The following DGCR8 variants were observed in gnomAD, a reference collection of about 807,000 sequenced individuals.
DGCR8 encodes microprocessor complex subunit DGCR8.
A neutral mutation model predicts 78.5 loss-of-function variants in DGCR8; 14 were observed. That is an observed-to-expected ratio of 0.18 (90% CI 0.12 to 0.28). The LOEUF (loss-of-function observed/expected upper bound fraction) is 0.28, where lower values mean the gene tolerates loss of function less well. DGCR8 is among the 10% of genes least tolerant of loss of function. DGCR8 has a pLI of 1.00. For missense variants in DGCR8, 702 were observed against 1,022.5 expected (o/e 0.69, Z 4.28); for synonymous variants, 399 against 402.4 (o/e 0.99, Z 0.10).
intron 6 of DGCR8, 40 bp from the exon 7 acceptor site, chr22:20,091,829 C>A: frequency 6.3e-7 from 1 of 1,583,438 alleles, no homozygotes; most frequent in South Asian, 1.1e-5. Context: ...TAGCTTGTGG[C>A]ACTGCTTCAC....
At position 20,086,218 on chromosome 22, in the gene DGCR8, C is replaced by T. The variant is rs773750301; in HGVS notation, c.255C>T (p.Leu85=). ...AAGGATCCTTCTCTAAGGGCCGCCT[C>T]CTCATAGACCCGAACTGTAGTGGCC... is the stretch of plus-strand genomic sequence containing the variant. ...LSKGSFSKGR[L]LIDPNCSGHS... The change falls in exon 2 of 14, where the codon CTC becomes CTT. Residue 85 remains leucine (L), a synonymous_variant. Coordinates refer to ENST00000351989, the MANE Select transcript of DGCR8 (RefSeq NM_022720.7). This position sits in a 1 kb window ranked among gnomAD's most constrained non-coding sequence, Gnocchi z 6.4. 5.0e-6 allele frequency: 8 copies of T among 1,614,060 alleles called. No individual in the cohort carries two copies. The highest frequency in any genetic ancestry group is 6.8e-6 in the Non-Finnish European group (8 of 1,180,046).
chr22:20,084,923 C>T (rs1436842185), intron 1 of DGCR8: 19 of 961,514 alleles, frequency 2.0e-5, no homozygotes, highest in Non-Finnish European at 2.4e-5. Context: ...AGTCGCTTCA[C>T]CTTCAGTGGC....
Position 20,080,335 on chromosome 22 carries a change from C to T in DGCR8, c.-326C>T, listed in dbSNP as rs556628893. ...CGGCGGTCGGTCGGTGAGGCTTTCC[C>T]GGCTGTGGTTTGGCTGCGGGCGGCT... On this transcript the variant is annotated 5_prime_UTR_variant, in exon 1 of 14. Coordinates refer to ENST00000351989, the MANE Select transcript of DGCR8 (RefSeq NM_022720.7). 3.1e-6 allele frequency: 3 copies of T among 980,818 alleles called. No individual in the cohort carries two copies. Among genetic ancestry groups the T allele is most frequent in the South Asian group, 9.4e-5 (2 of 21,252 alleles). The allele number at this position is 980,818 out of a possible 1,614,324, so 60.8% of individuals were successfully genotyped here. A position where few individuals can be genotyped will look rare whatever the true frequency, so the allele number is the denominator to read the frequency against.
Position 20,085,131 on chromosome 22 carries a change from G to A in DGCR8, c.-277-556G>A, listed in dbSNP as rs1026552519. ...CTCAGCACGCTGCATCACTGTCCCC[G>A]TCCACGTGCTACCCTGTGGGCCCAG... On this transcript the variant is annotated intron_variant, in intron 1 of 13. Coordinates refer to ENST00000351989, the MANE Select transcript of DGCR8 (RefSeq NM_022720.7). This position sits in a 1 kb window ranked among gnomAD's most constrained non-coding sequence, Gnocchi z 6.2. The A allele has an allele frequency of 7.6e-6, 6 of 786,108 alleles. No homozygotes were observed. The highest frequency in any genetic ancestry group is 5.6e-5 in the African/African-American group (3 of 53,258). The allele number at this position is 786,108 out of a possible 1,614,324, so 48.7% of individuals were successfully genotyped here. A position where few individuals can be genotyped will look rare whatever the true frequency, so the allele number is the denominator to read the frequency against.
rs547571792 is a variant in DGCR8, at chr22:20,086,387, C to T, written c.424C>T (p.Arg142Cys). ...GAAGGTGCTGTACACAGGAGCAGAG[C>T]GCGACGTGCGGGCGGAGTGCGGTCT... ...DRKVLYTGAE[R>C]DVRAECGLLL... Residue 142 changes from arginine to cysteine, a missense_variant, in exon 2 of 14, where the codon CGC becomes TGC. By Grantham distance (180) the Arg-to-Cys change is radical. Transcript: ENST00000351989. The surrounding 1 kb of genome is among the most constrained non-coding windows in gnomAD (Gnocchi z 6.4). 2.1e-4 allele frequency: 334 copies of T among 1,613,822 alleles called. 6 individuals carry two copies. In the South Asian group the frequency reaches 3.3e-3, roughly 16 times the overall value.
chr22:20,102,189 A>G (rs1447938105), intron 9 of DGCR8: 1 of 456,332 alleles, frequency 2.2e-6, no homozygotes, highest in Non-Finnish European at 2.9e-6. Flanking sequence ...CACTGCAATC[A>G]AGATGCAGAA....
chr22:20,085,913 T>C lies in DGCR8; in HGVS notation c.-51T>C. On this transcript the variant is annotated 5_prime_UTR_variant, in exon 2 of 14. It removes the in-frame stop codon of an upstream open reading frame in the 5' UTR. Coordinates refer to ENST00000351989, the MANE Select transcript of DGCR8 (RefSeq NM_022720.7). This position sits in a 1 kb window ranked among gnomAD's most constrained non-coding sequence, Gnocchi z 6.2. Reference sequence around the variant, plus strand: ...TGCATGTTAGCTGTGTAGATTTATGTGAGGGCTTGTAAAACTCTGGTCTTG... The same window carrying C: ...TGCATGTTAGCTGTGTAGATTTATGCGAGGGCTTGTAAAACTCTGGTCTTG... The C allele has an allele frequency of 6.6e-7, 1 of 1,513,698 alleles. No individual in the cohort carries two copies. The highest frequency in any genetic ancestry group is 8.8e-7 in the Non-Finnish European group (1 of 1,138,218). 93.8% of individuals were successfully genotyped at this position (1,513,698 alleles called of 1,614,324 possible).
chr22:20,086,790 A>C lies in DGCR8; in HGVS notation c.720+107A>C. On this transcript the variant is annotated intron_variant, in intron 2 of 13. Coordinates refer to ENST00000351989, the MANE Select transcript of DGCR8 (RefSeq NM_022720.7). This position sits in a 1 kb window ranked among gnomAD's most constrained non-coding sequence, Gnocchi z 6.4. ...GGGAAATTAAAAAAAAAAAAAACAA[A>C]AACCAAAATCCCCTCTGAGGTGGAA... 1.5e-6 allele frequency: 2 copies of C among 1,305,454 alleles called. No individual in the cohort carries two copies. The highest frequency in any genetic ancestry group is 2.1e-6 in the Non-Finnish European group (2 of 960,718). 80.9% of individuals were successfully genotyped at this position (1,305,454 alleles called of 1,614,324 possible). A position where few individuals can be genotyped will look rare whatever the true frequency, so the allele number is the denominator to read the frequency against.
At chr22:20,098,034 G>A (rs1398509453) in intron 9 of DGCR8, among the ~76,000 whole-genome samples, 4 of 149,814 alleles carry the variant, frequency 2.7e-5, no homozygotes, top group African/African-American at 9.8e-5. Context: ...GGCTGAGGCA[G>A]AAGAACCACT....
intron 12 of DGCR8, chr22:20,108,415 G>C (rs924748111): frequency 1.3e-5 from 2 of 153,906 alleles, no homozygotes; most frequent in Non-Finnish European, 2.9e-5. Flanking sequence ...AGGAACCACA[G>C]CACCCTTGGG....
At chr22:20,082,340 G>A (rs1344343085) in intron 1 of DGCR8, among the ~76,000 whole-genome samples, 1 of 151,928 alleles carries the variant, frequency 6.6e-6, no homozygotes, top group Non-Finnish European at 1.5e-5. Flanking sequence ...GATTACAGGC[G>A]TGAGCCACTG....
At position 20,086,573 on chromosome 22, in the gene DGCR8, G is replaced by A; in HGVS notation, c.610G>A (p.Asp204Asn). The stretch of plus-strand genomic sequence containing the variant: ...GTATGCAGTGCTCGATGAGTTAGAA[G>A]ATTTTACTGACAATTTGGAGCTAGA... ...VEYAVLDELE[D>N]FTDNLELDEE... is the part of the protein sequence containing the mutation. Residue 204 changes from aspartate (D) to asparagine (N), a missense_variant, in exon 2 of 14, where the codon GAT becomes AAT. Around this residue, in one of 4 missense-constraint regions of DGCR8, gnomAD observed 356 missense variants for 448.9 expected, o/e 0.79. Transcript: ENST00000351989. The surrounding 1 kb of genome is among the most constrained non-coding windows in gnomAD (Gnocchi z 6.4). 1 of 1,613,938 alleles carries A rather than the reference G, an allele frequency of 6.2e-7. No homozygotes were observed. Among genetic ancestry groups the A allele is most frequent in the Non-Finnish European group, 8.5e-7 (1 of 1,180,020 alleles).
chr22:20,107,238 C>T (rs2049781843), intron 11 of DGCR8, 33 bp from the exon 12 acceptor site: 5 of 1,613,698 alleles, frequency 3.1e-6, no homozygotes, highest in Admixed American at 1.7e-5. Context: ...GTGTTTGTGA[C>T]CCCCTCTCCA....
At position 20,111,363 on chromosome 22, in the gene DGCR8, GCT is replaced by G. The variant is rs2147947635; in HGVS notation, c.*1256_*1257del. On this transcript the variant is annotated 3_prime_UTR_variant, in exon 14 of 14. Transcript: ENST00000351989. ...GCCCCCTACAGGCGGTACTGATGGC[GCT>G]TTTTTTTTTTTTTCTGTCAGGAAAA... is the stretch of plus-strand genomic sequence containing the variant. The G allele has an allele frequency of 5.3e-6, 2 of 378,548 alleles. No homozygotes were observed. Among genetic ancestry groups the G allele is most frequent in the South Asian group, 1.5e-4 (1 of 6,700 alleles). 23.4% of individuals were successfully genotyped at this position (378,548 alleles called of 1,614,324 possible). A position where few individuals can be genotyped will look rare whatever the true frequency, so the allele number is the denominator to read the frequency against.
chr22:20,092,534 G>T (rs1349992461), intron 7 of DGCR8, among the ~76,000 whole-genome samples: 1 of 152,090 alleles, frequency 6.6e-6, no homozygotes, highest in Non-Finnish European at 1.5e-5. Flanking sequence ...GGTCCCTGTC[G>T]TAGGAGGCTC....
At chr22:20,105,762 G>C (rs539854217) in intron 9 of DGCR8, among the ~76,000 whole-genome samples, 1 of 152,300 alleles carries the variant, frequency 6.6e-6, no homozygotes, top group East Asian at 1.9e-4. Context: ...CCAGCTTTTG[G>C]GTCTGGCTGA....
chr22:20,111,624 A>G lies in DGCR8; in HGVS notation c.*1516A>G, dbSNP rs2147948305. 5.6e-6 allele frequency: 2 copies of G among 356,732 alleles called. No homozygotes were observed. Among genetic ancestry groups the G allele is most frequent in the South Asian group, 1.5e-4 (1 of 6,606 alleles). The allele number at this position is 356,732 out of a possible 1,614,324, so 22.1% of individuals were successfully genotyped here. On this transcript the variant is annotated 3_prime_UTR_variant, in exon 14 of 14. Coordinates refer to ENST00000351989, the MANE Select transcript of DGCR8 (RefSeq NM_022720.7). The stretch of plus-strand genomic sequence containing the variant: ...AAGCTTCGTGCACATGTGTTCCCCT[A>G]AAGGTTGGGGAGCCTCGCTGTGTCT...
rs749300283 is a variant in DGCR8, at chr22:20,090,181, C to CACT, written c.1231_1233dup (p.Leu411dup). 5 of 1,614,240 alleles carry CACT rather than the reference C, an allele frequency of 3.1e-6. No homozygotes were observed. In the Admixed American group the frequency reaches 8.3e-5, roughly 27 times the overall value. ...CCGGGGCCCCCGGACGAGAAAGACC[C>CACT]ACTAGGGGCTGAGGCAGCCCCTGGG... On this transcript the variant is annotated inframe_insertion, in exon 5 of 14. Coordinates refer to ENST00000351989, the MANE Select transcript of DGCR8 (RefSeq NM_022720.7).
rs1809052867 is a variant in DGCR8, at chr22:20,085,651, G to A, written c.-277-36G>A. On this transcript the variant is annotated intron_variant, in intron 1 of 13. Coordinates refer to ENST00000351989, the MANE Select transcript of DGCR8 (RefSeq NM_022720.7). This position sits in a 1 kb window ranked among gnomAD's most constrained non-coding sequence, Gnocchi z 6.2. ...GGTACCAGGGAATTGGAAGGTTTCT[G>A]TCATTTTGTGACGATATTTTTAAAT... 1.6e-6 allele frequency: 2 copies of A among 1,287,494 alleles called. No homozygotes were observed. The highest frequency in any genetic ancestry group is 3.1e-5 in the African/African-American group (2 of 65,136). 79.8% of individuals were successfully genotyped at this position (1,287,494 alleles called of 1,614,324 possible). A position where few individuals can be genotyped will look rare whatever the true frequency, so the allele number is the denominator to read the frequency against.
Sources: allele counts gnomAD v4.1 joint callset (sites outside exome capture counted in the v4.1 genomes callset), GRCh38; gene constraint gnomAD v4.1.1; regional missense constraint gnomAD v4.1.1; non-coding constraint Gnocchi (gnomAD v3.1); transcripts MANE v1.5; gene names NCBI Gene and HGNC (gene_info 2026-07-23, HGNC 2026-07-21).